The following ACVRL1 variants were observed in gnomAD, a reference collection of about 807,000 sequenced individuals.
ACVRL1 encodes activin A receptor like type 1.
ACVRL1 carries 20 observed loss-of-function variants against 51.9 expected under a neutral mutation model. That is an observed-to-expected ratio of 0.39 (90% confidence interval 0.27 to 0.56). ACVRL1 has a LOEUF of 0.56. Ranked by LOEUF, ACVRL1 falls within the 20% of genes least tolerant of loss-of-function variation. ACVRL1 has a pLI of 0.67. For missense variants in ACVRL1, 451 were observed against 670.3 expected, an observed-to-expected ratio of 0.67 and a Z score of 3.61; for synonymous variants, 288 against 280.9, an observed-to-expected ratio of 1.03 and a Z score of -0.25.
At chr12:51,918,219 G>A (rs1940885448) in intron 8 of ACVRL1, among the ~76,000 whole-genome samples, 1 of 152,246 alleles carries the variant, frequency 6.6e-6, no homozygotes, top group Non-Finnish European at 1.5e-5. Context: ...GCAGAGGCCT[G>A]TGCCATCCCT....
At chr12:51,910,514 A>C (rs1057133729) in intron 1 of ACVRL1, among the ~76,000 whole-genome samples, 2 of 152,214 alleles carry the variant, frequency 1.3e-5, no homozygotes, top group African/African-American at 2.4e-5. Flanking sequence ...TGCGTGATAA[A>C]GTAGAAGGAG....
In ACVRL1 at chr12:51,913,176, CG is replaced by C. The variant is rs863223415; in HGVS notation, c.145del (p.Ala49ProfsTer5). 1.2e-6 allele frequency: 2 copies of C among 1,600,676 alleles called. No homozygotes were observed. On this transcript the variant is annotated frameshift_variant, in exon 3 of 10. Transcript: ENST00000388922. LOFTEE classifies it high-confidence loss of function. ...CCCACATTGCAAGGGGCCTACCTGC[CG>C]GGGGGCCTGGTGCACAGTAGTGCTG... Reference protein sequence around the residue: ...ESPHCKGPTCRGAWCTVVLVR... With the variant: ...ESPHCKGPTCXGAWCTVVLVR...
Position 51,914,503 on chromosome 12 carries a change from C to T in ACVRL1, c.690C>T (p.Ile230=). Residue 230 remains isoleucine, a synonymous_variant, in exon 6 of 10, where the codon ATC becomes ATT. Coordinates refer to ENST00000388922, the MANE Select transcript of ACVRL1 (RefSeq NM_000020.3). ...LWHGESVAVK[I]FSSRDEQSWF... is the part of the protein sequence containing the mutation. ...ACGGTGAGAGTGTGGCCGTCAAGAT[C>T]TTCTCCTCGAGGGATGAACAGTCCT... The T allele has an allele frequency of 6.2e-7, 1 of 1,614,130 alleles. No individual in the cohort carries two copies.
Position 51,922,133 on chromosome 12 carries a change from A to G in ACVRL1, c.*1240A>G, listed in dbSNP as rs768154764. Reference sequence around the variant, plus strand: ...TGACACTTCAGCCTATATCACAGCTAACTTCTTCAGTCTCATCTATTCCTT... The same window carrying G: ...TGACACTTCAGCCTATATCACAGCTGACTTCTTCAGTCTCATCTATTCCTT... On this transcript the variant is annotated 3_prime_UTR_variant, in exon 10 of 10. Coordinates refer to ENST00000388922, the MANE Select transcript of ACVRL1 (RefSeq NM_000020.3). 6.6e-6 allele frequency: 1 copy of G among 152,174 alleles called. No individual in the cohort carries two copies. The allele number at this position is 152,174 out of a possible 1,614,324, so 9.4% of individuals were successfully genotyped here.
Position 51,913,735 on chromosome 12 carries a change from C to A in ACVRL1, c.490C>A (p.Leu164Met). ...HSELGESSLI[L>M]KASEQGDSML... ...CGAGCTGGGAGAGTCCAGTCTCATC[C>A]TGAAAGCATCTGAGCAGGGCGACAG... is the stretch of plus-strand genomic sequence containing the variant. Residue 164 changes from leucine (L) to methionine (M), a missense_variant, in exon 4 of 10, where the codon CTG becomes ATG. By Grantham distance (15) the Leu-to-Met change is conservative. Coordinates refer to ENST00000388922, the MANE Select transcript of ACVRL1 (RefSeq NM_000020.3). The A allele has an allele frequency of 6.2e-7, 1 of 1,612,178 alleles. No homozygotes were observed. Among genetic ancestry groups the A allele is most frequent in the Non-Finnish European group, 8.5e-7 (1 of 1,180,022 alleles).
chr12:51,920,898 G>A lies in ACVRL1; in HGVS notation c.*5G>A, dbSNP rs960718862. On this transcript the variant is annotated 3_prime_UTR_variant, in exon 10 of 10. Transcript: ENST00000388922. ...AAGCCTAAAGTGATTCAATAGCCCA[G>A]GAGCACCTGATTCCTTTCTGCCTGC... The A allele has an allele frequency of 6.6e-7, 1 of 1,515,736 alleles. No individual in the cohort carries two copies. The highest frequency in any genetic ancestry group is 1.8e-5 in the Admixed American group (1 of 56,950). 93.9% of individuals were successfully genotyped at this position (1,515,736 alleles called of 1,614,324 possible).
chr12:51,912,549 G>A lies in ACVRL1; in HGVS notation c.61+14G>A. 3.8e-6 allele frequency: 6 copies of A among 1,595,934 alleles called. No homozygotes were observed. The highest frequency in any genetic ancestry group is 5.2e-6 in the Non-Finnish European group (6 of 1,163,428). ...TGGTGACCCAGGGTGAGTACTGGGG[G>A]AGCAGTTAGGAAACAGGAACCTGGA... On this transcript the variant is annotated intron_variant, in intron 2 of 9. Transcript: ENST00000388922.
intron 9 of ACVRL1, among the ~76,000 whole-genome samples, chr12:51,919,872 G>A (rs2139086823): frequency 6.6e-6 from 1 of 152,282 alleles, no homozygotes; most frequent in African/African-American, 2.4e-5. Flanking sequence ...ATATATGCCA[G>A]ACTGTTGGCC....
intron 5 of ACVRL1, 126 bp from the exon 6 acceptor site, chr12:51,914,313 A>T: frequency 1.4e-6 from 2 of 1,439,410 alleles, no homozygotes; most frequent in Non-Finnish European, 9.6e-7. Flanking sequence ...GGATTAAGTT[A>T]AACCTAAGGG....
Position 51,913,960 on chromosome 12 carries a change from C to T in ACVRL1, c.526-14C>T. Reference sequence around the variant, plus strand: ...GGTTGTGGCAGCCTCTCAGTGGCCTCTCCGTACCCCCAGGACCTCCTGGAC... The same window carrying T: ...GGTTGTGGCAGCCTCTCAGTGGCCTTTCCGTACCCCCAGGACCTCCTGGAC... On this transcript the variant is annotated splice_polypyrimidine_tract_variant and intron_variant, in intron 4 of 9. Coordinates refer to ENST00000388922, the MANE Select transcript of ACVRL1 (RefSeq NM_000020.3). The T allele has an allele frequency of 6.2e-7, 1 of 1,612,090 alleles. No homozygotes were observed. Among genetic ancestry groups the T allele is most frequent in the Non-Finnish European group, 8.5e-7 (1 of 1,179,254 alleles).
chr12:51,914,208 T>C, intron 5 of ACVRL1, 135 bp downstream of exon 5: 2 of 1,207,854 alleles, frequency 1.7e-6, no homozygotes, highest in South Asian at 2.6e-5. Context: ...GGGCAGGGAG[T>C]GGGCTGGAGA....
At chr12:51,914,398 GT>G in intron 5 of ACVRL1, 40 bp from the exon 6 acceptor site, 1 of 1,613,770 alleles carries the variant, frequency 6.2e-7, no homozygotes, top group Non-Finnish European at 8.5e-7. Context: ...AGGGCTCTGT[GT>G]GCCCAGTGTG....
chr12:51,916,041 GC>G lies in ACVRL1; in HGVS notation c.1055del (p.Ala352ValfsTer2), dbSNP rs1940830552. 6.2e-7 allele frequency: 1 copy of G among 1,612,438 alleles called. No homozygotes were observed. Among genetic ancestry groups the G allele is most frequent in the Non-Finnish European group, 8.5e-7 (1 of 1,178,928 alleles). On this transcript the variant is annotated frameshift_variant, in exon 8 of 10. Transcript: ENST00000388922. LOFTEE classifies it high-confidence loss of function. ...GACAGGCCTCACCCCCACAGGCCTG[GC>G]TGTGATGCACTCACAGGGCAGCGAT... is the stretch of plus-strand genomic sequence containing the variant. ...LQCCIADLGL[A>X]VMHSQGSDYL...
In ACVRL1 at chr12:51,920,831, C is replaced by A. The variant is rs121909288; in HGVS notation, c.1450C>A (p.Arg484=). The A allele has an allele frequency of 5.6e-6, 9 of 1,613,086 alleles. No homozygotes were observed. The highest frequency in any genetic ancestry group is 1.1e-5 in the South Asian group (1 of 91,024). Residue 484 remains arginine, a synonymous_variant, in exon 10 of 10, where the codon CGG becomes AGG. Coordinates refer to ENST00000388922, the MANE Select transcript of ACVRL1 (RefSeq NM_000020.3). ...PNPSARLTAL[R]IKKTLQKISN... Reference sequence around the variant, plus strand: ...CCCCTCTGCCCGACTCACCGCGCTGCGGATCAAGAAGACACTACAAAAAAT... The same window carrying A: ...CCCCTCTGCCCGACTCACCGCGCTGAGGATCAAGAAGACACTACAAAAAAT...
Position 51,917,366 on chromosome 12 carries a change from C to A in ACVRL1, c.1246+1133C>A, listed in dbSNP as rs1227166890. Among the ~76,000 whole-genome samples the A allele has an allele frequency of 6.6e-6, 1 of 152,188 alleles. No homozygotes were observed. Among genetic ancestry groups the A allele is most frequent in the East Asian group, 1.9e-4 (1 of 5,186 alleles). ...AGGGGACTCTGATTTAGAGGGACTG[C>A]GACAGGTAGAGAGACCTGCCCTGGG... On this transcript the variant is annotated intron_variant, in intron 8 of 9. Transcript: ENST00000388922. The surrounding 1 kb of genome is among the most constrained non-coding windows in gnomAD (Gnocchi z 4.2).
At chr12:51,916,006 G>A in intron 7 of ACVRL1, 30 bp from the exon 8 acceptor site, 1 of 1,605,172 alleles carries the variant, frequency 6.2e-7, no homozygotes, top group South Asian at 1.1e-5. Flanking sequence ...TTTGGGAGAG[G>A]GGCAGGAGTG....
chr12:51,919,309 G>A, intron 9 of ACVRL1, 194 bp downstream of exon 9: 1 of 785,602 alleles, frequency 1.3e-6, no homozygotes, highest in Non-Finnish European at 2.0e-6. Context: ...TGGTCATTCT[G>A]GGATTTTAAG....
At position 51,921,801 on chromosome 12, in the gene ACVRL1, C is replaced by T. The variant is rs961804735; in HGVS notation, c.*908C>T. 3.9e-5 allele frequency: 6 copies of T among 152,118 alleles called. No individual in the cohort carries two copies. The highest frequency in any genetic ancestry group is 1.4e-4 in the African/African-American group (6 of 41,418). The allele number at this position is 152,118 out of a possible 1,614,324, so 9.4% of individuals were successfully genotyped here. A position where few individuals can be genotyped will look rare whatever the true frequency, so the allele number is the denominator to read the frequency against. On this transcript the variant is annotated 3_prime_UTR_variant, in exon 10 of 10. Transcript: ENST00000388922. ...AGGCTAGAGTGCAATGGCATGATCCCAGCTCACCGCAACGTCTACCTCCCA... is the reference window on the plus strand; with the variant it reads ...AGGCTAGAGTGCAATGGCATGATCCTAGCTCACCGCAACGTCTACCTCCCA...
chr12:51,913,403 C>A, intron 3 of ACVRL1, 53 bp downstream of exon 3: 2 of 1,595,824 alleles, frequency 1.3e-6, no homozygotes, highest in South Asian at 1.1e-5. Flanking sequence ...CCCTGCCCTC[C>A]CTTCCCTCCT....
Sources: allele counts gnomAD v4.1 joint callset (sites outside exome capture counted in the v4.1 genomes callset), GRCh38; gene constraint gnomAD v4.1.1; non-coding constraint Gnocchi (gnomAD v3.1); transcripts MANE v1.5; gene names NCBI Gene and HGNC (gene_info 2026-07-23, HGNC 2026-07-21).